The following PCDH15 variants were observed in gnomAD, a reference collection of about 807,000 sequenced individuals.
The protein encoded by PCDH15 is protocadherin-15.
A neutral mutation model predicts 178.5 loss-of-function variants in PCDH15; 129 were observed. That is an observed-to-expected ratio of 0.72 (90% CI 0.63 to 0.84). The LOEUF is 0.84. Ranked by LOEUF, PCDH15 falls within the 40% of genes least tolerant of loss-of-function variation. The pLI is 0.00. For synonymous variants in PCDH15, 800 were observed against 732.0 expected, an observed-to-expected ratio of 1.09 and a Z score of -1.50; for missense variants, 2,230 against 2,099.9, an observed-to-expected ratio of 1.06 and a Z score of -1.21.
intron 3 of PCDH15, among the ~76,000 whole-genome samples, chr10:54,436,031 GGAGA>G (rs753698148): frequency 0.012 from 409 of 34,586 alleles, 2 homozygotes; most frequent in Middle Eastern, 0.058. Flanking sequence ...GGAGAGGAGA[GGAGA>G]GAGAGAGAGA....
rs547069137 is a variant in PCDH15, at chr10:53,904,798, C to T, written c.3374-1428G>A. Among the ~76,000 whole-genome samples, 20 of 152,166 alleles carry T rather than the reference C, an allele frequency of 1.3e-4. No homozygotes were observed. In the South Asian group the frequency reaches 2.9e-3, roughly 22 times the overall value. On this transcript the variant is annotated intron_variant, in intron 25 of 37. Transcript: ENST00000644397. Reference sequence around the variant, plus strand: ...ACTTTTATCTCTAGAATAAAAAATGCGAACAGCTCTAAATTTAAAAATAAA... The same window carrying T: ...ACTTTTATCTCTAGAATAAAAAATGTGAACAGCTCTAAATTTAAAAATAAA...
At chr10:54,111,379 A>T (rs916970946) in intron 15 of PCDH15, among the ~76,000 whole-genome samples, 5 of 152,192 alleles carry the variant, frequency 3.3e-5, no homozygotes, top group Non-Finnish European at 7.4e-5. Context: ...TTAACTTTAG[A>T]AAAACAGAAT....
chr10:55,538,401 C>CCTTCCTTT (rs1841638118), intron 2 of PCDH15, among the ~76,000 whole-genome samples: 2 of 70,324 alleles, frequency 2.8e-5, no homozygotes, highest in African/African-American at 1.4e-4. Context: ...TTCCTTTCTT[C>CCTTCCTTT]CTTCCTTCCT....
At chr10:55,106,015 C>T (rs1842664868) in intron 2 of PCDH15, among the ~76,000 whole-genome samples, 1 of 151,824 alleles carries the variant, frequency 6.6e-6, no homozygotes. Context: ...GGATATTATT[C>T]ATCTGTATTA....
chr10:55,611,905 A>T (rs1589184968), intron 2 of PCDH15, among the ~76,000 whole-genome samples: 1 of 152,224 alleles, frequency 6.6e-6, no homozygotes, highest in East Asian at 1.9e-4. Context: ...ATGTAAAGTG[A>T]AATAAGTCAG....
chr10:54,233,770 T>A (rs2054321116), intron 9 of PCDH15, among the ~76,000 whole-genome samples: 1 of 152,242 alleles, frequency 6.6e-6, no homozygotes, highest in African/African-American at 2.4e-5. Flanking sequence ...CTTGCTTTTA[T>A]CTTTTTAGAA....
chr10:54,878,955 C>T lies in PCDH15; in HGVS notation c.-29+18495G>A, dbSNP rs77919652. Among the ~76,000 whole-genome samples the T allele has an allele frequency of 8.8e-3, 1,342 of 152,066 alleles. 15 individuals carry two copies. Among genetic ancestry groups the T allele is most frequent in the African/African-American group, 0.03 (1,246 of 41,488 alleles). On this transcript the variant is annotated intron_variant, in intron 3 of 5. Transcript: ENST00000458638. ...AAATTATTTATTTATAATGCTTCGC[C>T]GAATTATTATTTTATTTGGAATTAA...
chr10:54,350,406 C>T (rs955410772), intron 5 of PCDH15, among the ~76,000 whole-genome samples: 1 of 152,074 alleles, frequency 6.6e-6, no homozygotes, highest in South Asian at 2.1e-4. Flanking sequence ...ATTGTGCAAG[C>T]ATGTACAAAT....
intron 1 of PCDH15, among the ~76,000 whole-genome samples, chr10:54,724,870 T>C (rs556255756): frequency 6.6e-6 from 1 of 150,492 alleles, no homozygotes; most frequent in South Asian, 2.1e-4. Context: ...GGATTGGGCT[T>C]CTACTCTACC....
chr10:55,208,488 T>A (rs949045860), intron 1 of PCDH15, among the ~76,000 whole-genome samples: 1 of 152,082 alleles, frequency 6.6e-6, no homozygotes, highest in African/African-American at 2.4e-5. Context: ...ACCTTCTATG[T>A]CTTTGCTTTC....
At chr10:53,910,305 CAGA>C (rs2082988453) in intron 25 of PCDH15, among the ~76,000 whole-genome samples, 1 of 152,124 alleles carries the variant, frequency 6.6e-6, no homozygotes, top group South Asian at 2.1e-4. Flanking sequence ...ATGAAGCATC[CAGA>C]AGAAGGACCA....
chr10:54,467,436 G>A (rs2077593253), intron 3 of PCDH15, among the ~76,000 whole-genome samples: 1 of 151,644 alleles, frequency 6.6e-6, no homozygotes, highest in African/African-American at 2.4e-5. Flanking sequence ...CCCTCTTTAT[G>A]TGATGTATCA....
chr10:54,377,897 G>A (rs1348547151), intron 4 of PCDH15, among the ~76,000 whole-genome samples: 1 of 151,946 alleles, frequency 6.6e-6, no homozygotes, highest in Non-Finnish European at 1.5e-5. Context: ...TTCCAGAAAT[G>A]AAACATCCAA....
intron 1 of PCDH15, among the ~76,000 whole-genome samples, chr10:54,700,479 A>G (rs892035324): frequency 3.3e-5 from 5 of 152,080 alleles, no homozygotes; most frequent in Non-Finnish European, 7.4e-5. Context: ...CAATACAACA[A>G]TACAAGAACT....
chr10:55,331,408 C>A (rs1844195209), intron 2 of PCDH15, among the ~76,000 whole-genome samples: 1 of 151,796 alleles, frequency 6.6e-6, no homozygotes, highest in African/African-American at 2.4e-5. Flanking sequence ...CCAATGGTTA[C>A]AATATTTTTT....
At chr10:55,099,712 A>T (rs1842531384) in intron 2 of PCDH15, among the ~76,000 whole-genome samples, 1 of 152,068 alleles carries the variant, frequency 6.6e-6, no homozygotes, top group Non-Finnish European at 1.5e-5. Flanking sequence ...CTGTTCATGA[A>T]AAAAGTTGCT....
intron 2 of PCDH15, among the ~76,000 whole-genome samples, chr10:55,501,999 C>T (rs1840667546): frequency 6.6e-6 from 1 of 151,534 alleles, no homozygotes; most frequent in Non-Finnish European, 1.5e-5. Context: ...TCTTTACATC[C>T]TTCCCACTTG....
At chr10:54,983,543 G>C (rs1235309201) in intron 2 of PCDH15, among the ~76,000 whole-genome samples, 1 of 152,092 alleles carries the variant, frequency 6.6e-6, no homozygotes, top group East Asian at 1.9e-4. Flanking sequence ...AACCAGGCCT[G>C]AGAAGAAATA....
intron 3 of PCDH15, among the ~76,000 whole-genome samples, chr10:54,441,123 A>G (rs1200261508): frequency 6.6e-6 from 1 of 151,970 alleles, no homozygotes; most frequent in Non-Finnish European, 1.5e-5. Context: ...TTGCATTCTC[A>G]TCTCTGTTCA....
Sources: allele counts gnomAD v4.1 joint callset (sites outside exome capture counted in the v4.1 genomes callset), GRCh38; gene constraint gnomAD v4.1.1; transcripts MANE v1.5; gene names NCBI Gene and HGNC (gene_info 2026-07-23, HGNC 2026-07-21).